Variants in RAP1GAP observed in about 807,000 individuals in gnomAD.
RAP1GAP encodes the protein rap1 GTPase-activating protein 1.
RAP1GAP carries 35 observed loss-of-function variants against 87.2 expected under a neutral mutation model. The ratio of observed to expected loss-of-function variants is 0.40; its 90% CI spans 0.31 to 0.53. RAP1GAP has a LOEUF of 0.53. Among genes scored for constraint, RAP1GAP ranks in the 20% least tolerant of loss-of-function variants. The pLI, the probability that RAP1GAP is intolerant of heterozygous loss-of-function variation, is 0.48. For synonymous variants in RAP1GAP, 375 were observed against 363.9 expected (o/e 1.03, Z -0.35); for missense variants, 734 against 898.9 (o/e 0.82, Z 2.35).
chr1:21,662,046 T>C (rs1345014329), intron 1 of RAP1GAP, among the ~76,000 whole-genome samples: 2 of 152,188 alleles, frequency 1.3e-5, no homozygotes, highest in African/African-American at 4.8e-5. Flanking sequence ...CAGAACCTCA[T>C]CTGATACTTG....
Position 21,602,717 on chromosome 1 carries a change from C to T in RAP1GAP, c.1538+87G>A, listed in dbSNP as rs911015838. ...GGATGGAGAGGCAGAGGGGCGGGCACTCCCTTCTGCCTGCCTTGCTTTGCC... is the reference window on the plus strand; with the variant it reads ...GGATGGAGAGGCAGAGGGGCGGGCATTCCCTTCTGCCTGCCTTGCTTTGCC... On this transcript the variant is annotated intron_variant, in intron 19 of 24. Coordinates refer to ENST00000374765, the MANE Select transcript of RAP1GAP (RefSeq NM_002885.4). 17 of 1,211,322 alleles carry T rather than the reference C, an allele frequency of 1.4e-5. No individual in the cohort carries two copies. The African/African-American group carries it at 2.1e-4, about 15-fold the overall frequency. 75.0% of individuals were successfully genotyped at this position (1,211,322 alleles called of 1,614,324 possible).
At chr1:21,610,023 A>G in intron 14 of RAP1GAP, 97 bp downstream of exon 14, 4 of 1,414,350 alleles carry the variant, frequency 2.8e-6, no homozygotes, top group Non-Finnish European at 3.8e-6. Context: ...CCCCCATTAT[A>G]GCTGGAAAAA....
At chr1:21,648,581 T>C (rs746892192) in intron 2 of RAP1GAP, among the ~76,000 whole-genome samples, 39 of 152,128 alleles carry the variant, frequency 2.6e-4, no homozygotes, top group Non-Finnish European at 5.1e-4. Context: ...TCTACTACAG[T>C]ACCCAGTGCA....
chr1:21,662,045 A>G (rs1301876767), intron 1 of RAP1GAP, among the ~76,000 whole-genome samples: 2 of 152,202 alleles, frequency 1.3e-5, no homozygotes, highest in Non-Finnish European at 1.5e-5. Flanking sequence ...TCAGAACCTC[A>G]TCTGATACTT....
chr1:21,618,090 C>G (rs1231018065), intron 5 of RAP1GAP, 118 bp from the exon 6 acceptor site: 1 of 1,193,368 alleles, frequency 8.4e-7, no homozygotes, highest in East Asian at 2.3e-5. Context: ...CTGGCCTCAT[C>G]ACCTCTTACA....
chr1:21,661,091 A>C (rs976960307), intron 1 of RAP1GAP, among the ~76,000 whole-genome samples: 6 of 152,158 alleles, frequency 3.9e-5, no homozygotes, highest in Non-Finnish European at 7.4e-5. Flanking sequence ...ATCTCTAGTA[A>C]AAATACAAAA....
Position 21,619,047 on chromosome 1 carries a change from C to A in RAP1GAP, c.44G>T (p.Cys15Phe). 2 of 1,602,320 alleles carry A rather than the reference C, an allele frequency of 1.2e-6. No individual in the cohort carries two copies. Among genetic ancestry groups the A allele is most frequent in the Non-Finnish European group, 1.7e-6 (2 of 1,173,826 alleles). ...MQGSRMDEQR[C>F]SFPPPLKTEE... ...TACTTTGAGGGGCGGCGGGAAGGAG[C>A]AGCGTTGTTCATCCATCCTGCTTCC... The change falls in exon 5 of 25, where the codon TGC (cysteine) becomes TTC (phenylalanine). Residue 15 changes from cysteine to phenylalanine, a missense_variant. Transcript: ENST00000374765.
intron 2 of RAP1GAP, among the ~76,000 whole-genome samples, chr1:21,648,389 A>G (rs2096270040): frequency 6.6e-6 from 1 of 152,158 alleles, no homozygotes; most frequent in Non-Finnish European, 1.5e-5. Flanking sequence ...CCTGGGACAG[A>G]GTAGGCGAGG....
At position 21,603,557 on chromosome 1, in the gene RAP1GAP, G is replaced by A. The variant is rs892320244; in HGVS notation, c.1429-644C>T. 9.6e-6 allele frequency: 6 copies of A among 626,502 alleles called. No individual in the cohort carries two copies. Among genetic ancestry groups the A allele is most frequent in the Non-Finnish European group, 1.7e-5 (6 of 347,254 alleles). 38.8% of individuals were successfully genotyped at this position (626,502 alleles called of 1,614,324 possible). ...TGGGGGACGTGCGGCTGGGTGTAGG[G>A]CCTTTGGGTACCGGATCCTGGCAGG... is the stretch of plus-strand genomic sequence containing the variant. On this transcript the variant is annotated intron_variant, in intron 18 of 24. Transcript: ENST00000374765. This position sits in a 1 kb window ranked among gnomAD's most constrained non-coding sequence, Gnocchi z 6.0.
intron 1 of RAP1GAP, among the ~76,000 whole-genome samples, chr1:21,660,595 A>G (rs1391551411): frequency 6.6e-6 from 1 of 151,752 alleles, no homozygotes; most frequent in East Asian, 2.0e-4. Context: ...CAGCCTCCCA[A>G]AGTGCCAGGA....
chr1:21,608,445 C>T, intron 16 of RAP1GAP, 95 bp from the exon 17 acceptor site: 1 of 1,497,488 alleles, frequency 6.7e-7, no homozygotes, highest in Non-Finnish European at 8.9e-7. Context: ...CACGGGCCAC[C>T]TTCTCTGAAT....
intron 6 of RAP1GAP, 96 bp from the exon 7 acceptor site, chr1:21,617,587 G>A (rs2083086230): frequency 1.4e-6 from 2 of 1,381,702 alleles, no homozygotes; most frequent in Non-Finnish European, 2.0e-6. Flanking sequence ...CTTCTGTCGT[G>A]GCTAAGGGGT....
chr1:21,651,685 G>T (rs1164520998), intron 1 of RAP1GAP: 2 of 611,998 alleles, frequency 3.3e-6, no homozygotes, highest in African/African-American at 2.0e-5. Context: ...AGGCCCACCC[G>T]CCCAAACGCG....
intron 10 of RAP1GAP, among the ~76,000 whole-genome samples, chr1:21,612,553 C>A (rs1214815578): frequency 6.6e-6 from 1 of 152,168 alleles, no homozygotes; most frequent in African/African-American, 2.4e-5. Context: ...CACCTTAGGC[C>A]TCAGTTTCCT....
chr1:21,615,639 A>T lies in RAP1GAP; in HGVS notation c.292-1550T>A, dbSNP rs1398906720. Among the ~76,000 whole-genome samples the T allele has an allele frequency of 2.6e-5, 4 of 152,110 alleles. No individual in the cohort carries two copies. In the East Asian group the frequency reaches 5.8e-4, roughly 22 times the overall value. ...ACTTCTGACCTCAAGTGATCTGCCC[A>T]CCTCGGCCTCCCAAAGTGCTGGGAT... On this transcript the variant is annotated intron_variant, in intron 7 of 24. Transcript: ENST00000374765. This position sits in a 1 kb window ranked among gnomAD's most constrained non-coding sequence, Gnocchi z 4.5.
chr1:21,600,403 C>T (rs2067171358), intron 20 of RAP1GAP, among the ~76,000 whole-genome samples: 1 of 152,184 alleles, frequency 6.6e-6, no homozygotes, highest in South Asian at 2.1e-4. Flanking sequence ...CCTCTTGATT[C>T]CCACAGAGCC....
intron 7 of RAP1GAP, among the ~76,000 whole-genome samples, chr1:21,616,562 T>TC (rs1201483685): frequency 6.6e-6 from 1 of 152,100 alleles, no homozygotes; most frequent in Non-Finnish European, 1.5e-5. Flanking sequence ...ACGACACACT[T>TC]CCCCATTTTG....
intron 2 of RAP1GAP, among the ~76,000 whole-genome samples, chr1:21,644,093 G>A (rs1172735170): frequency 6.6e-6 from 1 of 152,194 alleles, no homozygotes; most frequent in South Asian, 2.1e-4. Flanking sequence ...AACAGTGGCA[G>A]TCCCAGAGCC....
Position 21,598,391 on chromosome 1 carries a change from T to A in RAP1GAP, c.1879+9A>T, listed in dbSNP as rs372100318. On this transcript the variant is annotated intron_variant, in intron 22 of 24. Coordinates refer to ENST00000374765, the MANE Select transcript of RAP1GAP (RefSeq NM_002885.4). The stretch of plus-strand genomic sequence containing the variant: ...CCTGCTTTGTGGGGAAGCTGCCTTG[T>A]CCTGGTACCTGGGGAGCTGCCCCCA... 3.1e-6 allele frequency: 5 copies of A among 1,607,082 alleles called. No individual in the cohort carries two copies. The highest frequency in any genetic ancestry group is 4.5e-5 in the East Asian group (2 of 44,868).
Sources: allele counts gnomAD v4.1 joint callset (sites outside exome capture counted in the v4.1 genomes callset), GRCh38; gene constraint gnomAD v4.1.1; non-coding constraint Gnocchi (gnomAD v3.1); transcripts MANE v1.5; gene names NCBI Gene and HGNC (gene_info 2026-07-23, HGNC 2026-07-21).